TUBGCP4: variants seen among roughly 807,000 people sequenced by gnomAD.
TUBGCP4 encodes tubulin gamma complex component 4.
In TUBGCP4, 54 loss-of-function variants were observed where a neutral mutation model predicts 91.6. The observed-to-expected ratio is 0.59, with a 90% confidence interval of 0.47 to 0.74. The LOEUF (loss-of-function observed/expected upper bound fraction) is 0.74, where lower values mean the gene tolerates loss of function less well. Ranked by LOEUF, TUBGCP4 falls within the 30% of genes least tolerant of loss-of-function variation. The pLI, the probability that TUBGCP4 is intolerant of heterozygous loss-of-function variation, is 0.00. For missense variants in TUBGCP4, 593 were observed against 800.9 expected (o/e 0.74, Z 3.13); for synonymous variants, 297 against 302.8 (o/e 0.98, Z 0.20).
intron 11 of TUBGCP4, among the ~76,000 whole-genome samples, chr15:43,396,146 T>C (rs2044576499): frequency 6.6e-6 from 1 of 152,218 alleles, no homozygotes; most frequent in Non-Finnish European, 1.5e-5. Flanking sequence ...CACATCTTGT[T>C]TGTGTCTCTT....
chr15:43,384,304 A>C (rs1042853280), intron 7 of TUBGCP4, among the ~76,000 whole-genome samples: 6 of 152,212 alleles, frequency 3.9e-5, no homozygotes, highest in African/African-American at 1.2e-4. Context: ...TTAGGGGAAG[A>C]GATATAGAAA....
Position 43,371,282 on chromosome 15 carries a change from T to C in TUBGCP4, c.-73T>C. ...GGTGCGCGTGTGGAAGGGGAAGCAC[T>C]CCCCTCGTGGTCGCCTGGAGGTGCG... On this transcript the variant is annotated 5_prime_UTR_variant, in exon 1 of 18. Transcript: ENST00000564079. 1 of 1,475,866 alleles carries C rather than the reference T, an allele frequency of 6.8e-7. No individual in the cohort carries two copies. The highest frequency in any genetic ancestry group is 1.2e-5 in the South Asian group (1 of 84,240). The allele number at this position is 1,475,866 out of a possible 1,614,324, so 91.4% of individuals were successfully genotyped here. A position where few individuals can be genotyped will look rare whatever the true frequency, so the allele number is the denominator to read the frequency against.
intron 6 of TUBGCP4, among the ~76,000 whole-genome samples, chr15:43,382,625 A>G (rs76660118): frequency 0.014 from 2,169 of 152,322 alleles, 108 homozygotes; most frequent in Admixed American, 0.089. Flanking sequence ...ATTTCCCATT[A>G]CATCATATTA....
rs1321105976 is a variant in TUBGCP4, at chr15:43,406,718, T to C, written c.*1504T>C. ...GTGACAATAATAATAATAATAATAT[T>C]GGGTCTTTGACTAGAACGTGTAACA... On this transcript the variant is annotated 3_prime_UTR_variant, in exon 18 of 18. Coordinates refer to ENST00000564079, the MANE Select transcript of TUBGCP4 (RefSeq NM_014444.5). 2.4e-6 allele frequency: 1 copy of C among 425,474 alleles called. No homozygotes were observed. The highest frequency in any genetic ancestry group is 2.1e-5 in the African/African-American group (1 of 48,284). 26.4% of individuals were successfully genotyped at this position (425,474 alleles called of 1,614,324 possible).
intron 13 of TUBGCP4, among the ~76,000 whole-genome samples, chr15:43,399,402 C>G (rs938848588): frequency 6.6e-6 from 1 of 152,172 alleles, no homozygotes; most frequent in Non-Finnish European, 1.5e-5. Context: ...GGGTCTTGCT[C>G]TGTTGCCCAG....
chr15:43,404,306 G>A, intron 16 of TUBGCP4, 107 bp from the exon 17 acceptor site: 1 of 1,422,326 alleles, frequency 7.0e-7, no homozygotes, highest in Non-Finnish European at 9.5e-7. Flanking sequence ...TGGTTCTGTA[G>A]AATTTTGAAC....
Position 43,408,868 on chromosome 15 carries a change from A to G in TUBGCP4, c.*3654A>G, listed in dbSNP as rs564616397. ...CAAAGCTTGCTGTCCTCCTGCCTAT[A>G]CAATTCTGGATGGGCTTCAAATACT... On this transcript the variant is annotated 3_prime_UTR_variant, in exon 18 of 18. Transcript: ENST00000564079. The G allele has an allele frequency of 6.2e-7, 1 of 1,610,204 alleles. No homozygotes were observed. Among genetic ancestry groups the G allele is most frequent in the East Asian group, 2.2e-5 (1 of 44,832 alleles).
Position 43,407,340 on chromosome 15 carries a change from T to C in TUBGCP4, c.*2126T>C. The C allele has an allele frequency of 6.4e-7, 1 of 1,574,184 alleles. No individual in the cohort carries two copies. The highest frequency in any genetic ancestry group is 8.7e-7 in the Non-Finnish European group (1 of 1,148,180). ...CATTTAAAACCTGGTTAAAACACAA[T>C]CTCCACGATAGCAGGGAATAAAACC... On this transcript the variant is annotated 3_prime_UTR_variant, in exon 18 of 18. Transcript: ENST00000564079.
intron 9 of TUBGCP4, chr15:43,394,766 C>T (rs916215578): frequency 2.8e-5 from 9 of 327,062 alleles, no homozygotes; most frequent in African/African-American, 1.9e-4. Flanking sequence ...CCCTTGCTCT[C>T]TCTTGCTCCT....
intron 1 of TUBGCP4, among the ~76,000 whole-genome samples, chr15:43,372,410 G>C (rs2044137860): frequency 6.6e-6 from 1 of 152,108 alleles, no homozygotes; most frequent in African/African-American, 2.4e-5. Flanking sequence ...GGGAGTTTAG[G>C]TGAATTTTTG....
chr15:43,404,245 G>T, intron 16 of TUBGCP4, 168 bp from the exon 17 acceptor site: 1 of 704,390 alleles, frequency 1.4e-6, no homozygotes, highest in Non-Finnish European at 2.3e-6. Context: ...GTATGGATTT[G>T]GTACAAGTCA....
At chr15:43,396,694 A>G (rs1436047033) in intron 11 of TUBGCP4, among the ~76,000 whole-genome samples, 3 of 152,124 alleles carry the variant, frequency 2.0e-5, no homozygotes, top group African/African-American at 7.2e-5. Flanking sequence ...CAGGTGTGGC[A>G]CCTTTAGGAC....
Position 43,405,806 on chromosome 15 carries a change from G to A in TUBGCP4, c.*592G>A, listed in dbSNP as rs45583832. 1,018 of 152,332 alleles carry A rather than the reference G, an allele frequency of 6.7e-3. 10 individuals are homozygous for A. Among genetic ancestry groups the A allele is most frequent in the African/African-American group, 0.023 (967 of 41,492 alleles). The allele number at this position is 152,332 out of a possible 1,614,324, so 9.4% of individuals were successfully genotyped here. A position where few individuals can be genotyped will look rare whatever the true frequency, so the allele number is the denominator to read the frequency against. The stretch of plus-strand genomic sequence containing the variant: ...TGTAATCCCAGCACTTTGGGAGGCC[G>A]AGGCGGGCGGATCACCTGAAGTCAG... On this transcript the variant is annotated 3_prime_UTR_variant, in exon 18 of 18. Coordinates refer to ENST00000564079, the MANE Select transcript of TUBGCP4 (RefSeq NM_014444.5).
In TUBGCP4 at chr15:43,407,744, G is replaced by A. The variant is rs2044959607; in HGVS notation, c.*2530G>A. 10 of 776,720 alleles carry A rather than the reference G, an allele frequency of 1.3e-5. No individual in the cohort carries two copies. In the East Asian group the frequency reaches 1.6e-4, roughly 12 times the overall value. 48.1% of individuals were successfully genotyped at this position (776,720 alleles called of 1,614,324 possible). A position where few individuals can be genotyped will look rare whatever the true frequency, so the allele number is the denominator to read the frequency against. ...GGCAGAGTTATAATCACTATGTGCT[G>A]ACCTTGTAGAAATATTTAACAAATA... On this transcript the variant is annotated 3_prime_UTR_variant, in exon 18 of 18. Transcript: ENST00000564079.
chr15:43,406,383 T>C lies in TUBGCP4; in HGVS notation c.*1169T>C, dbSNP rs1595510018. ...TCTGACAACTTATTCCCTGCTATTA[T>C]CAACTAAAGATCACCCTTTCTACTG... On this transcript the variant is annotated 3_prime_UTR_variant, in exon 18 of 18. Transcript: ENST00000564079. The C allele has an allele frequency of 9.3e-6, 3 of 322,018 alleles. No homozygotes were observed. The East Asian group carries it at 2.4e-4, about 25-fold the overall frequency. 19.9% of individuals were successfully genotyped at this position (322,018 alleles called of 1,614,324 possible).
At chr15:43,382,260 C>T (rs1350260739) in intron 6 of TUBGCP4, among the ~76,000 whole-genome samples, 1 of 151,932 alleles carries the variant, frequency 6.6e-6, no homozygotes, top group Non-Finnish European at 1.5e-5. Context: ...AAAAGGGATT[C>T]TCTTATAGAA....
rs1254527477 is a variant in TUBGCP4 at position 43,406,355 on chromosome 15, A to C, written c.*1141A>C. ...ACTACATATTCTACACACACTGGGA[A>C]GCTCTGACAACTTATTCCCTGCTAT... On this transcript the variant is annotated 3_prime_UTR_variant, in exon 18 of 18. Coordinates refer to ENST00000564079, the MANE Select transcript of TUBGCP4 (RefSeq NM_014444.5). The C allele has an allele frequency of 6.4e-6, 2 of 312,738 alleles. No homozygotes were observed. The allele number at this position is 312,738 out of a possible 1,614,324, so 19.4% of individuals were successfully genotyped here.
At position 43,406,630 on chromosome 15, in the gene TUBGCP4, G is replaced by C. The variant is rs1242346855; in HGVS notation, c.*1416G>C. On this transcript the variant is annotated 3_prime_UTR_variant, in exon 18 of 18. Coordinates refer to ENST00000564079, the MANE Select transcript of TUBGCP4 (RefSeq NM_014444.5). The stretch of plus-strand genomic sequence containing the variant: ...AAACCTTGTTGACCCCTGCTTTAGA[G>C]AATGAGAAGCCATGCAGGGATCAGT... 1 of 456,016 alleles carries C rather than the reference G, an allele frequency of 2.2e-6. No homozygotes were observed. Among genetic ancestry groups the C allele is most frequent in the Non-Finnish European group, 4.4e-6 (1 of 226,774 alleles). 28.2% of individuals were successfully genotyped at this position (456,016 alleles called of 1,614,324 possible).
Position 43,377,009 on chromosome 15 carries a change from T to A in TUBGCP4, c.331-5T>A. On this transcript the variant is annotated splice_polypyrimidine_tract_variant and splice_region_variant and intron_variant, in intron 3 of 17. Transcript: ENST00000564079. ...GAGCTCTAATCACAAAGTTTTTTATTGCAGTTCCTGGGTGATCCCCATCTC... is the reference window on the plus strand; with the variant it reads ...GAGCTCTAATCACAAAGTTTTTTATAGCAGTTCCTGGGTGATCCCCATCTC... 6.2e-7 allele frequency: 1 copy of A among 1,612,886 alleles called. No homozygotes were observed. Among genetic ancestry groups the A allele is most frequent in the Non-Finnish European group, 8.5e-7 (1 of 1,178,984 alleles).
Sources: allele counts gnomAD v4.1 joint callset (sites outside exome capture counted in the v4.1 genomes callset), GRCh38; gene constraint gnomAD v4.1.1; transcripts MANE v1.5; gene names NCBI Gene and HGNC (gene_info 2026-07-23, HGNC 2026-07-21).